ULK4: variants seen among roughly 807,000 people sequenced by gnomAD.
ULK4 encodes inactive serine/threonine-protein kinase ULK4.
ULK4 carries 133 observed loss-of-function variants against 160.6 expected under a neutral mutation model. That is an observed-to-expected ratio of 0.83 (90% CI 0.72 to 0.96). The LOEUF (loss-of-function observed/expected upper bound fraction) is 0.96. Ranked by LOEUF, ULK4 falls within the 40% of genes least tolerant of loss-of-function variation. The probability of loss-of-function intolerance (pLI) is 0.00; values close to 1 mark genes in which losing one functional copy is unlikely to be tolerated. For missense variants in ULK4, 1,580 were observed against 1,499.5 expected (o/e 1.05, Z -0.89); for synonymous variants, 534 against 539.8 (o/e 0.99, Z 0.15).
At chr3:41,699,255 A>G (rs1364629308) in intron 27 of ULK4, among the ~76,000 whole-genome samples, 1 of 152,194 alleles carries the variant, frequency 6.6e-6, no homozygotes, top group African/African-American at 2.4e-5. Context: ...CCCCACCAAC[A>G]CTAAGTATTA....
intron 11 of ULK4, among the ~76,000 whole-genome samples, chr3:41,908,356 C>G (rs1279378606): frequency 6.6e-6 from 1 of 152,130 alleles, no homozygotes; most frequent in Admixed American, 6.5e-5. Context: ...CAATCCATAC[C>G]TATTTGTAAT....
At chr3:41,520,227 C>G (rs1383523846) in intron 32 of ULK4, among the ~76,000 whole-genome samples, 1 of 152,140 alleles carries the variant, frequency 6.6e-6, no homozygotes, top group Non-Finnish European at 1.5e-5. Flanking sequence ...TCCCTCCCCC[C>G]AGCCCCTGGT....
intron 17 of ULK4, among the ~76,000 whole-genome samples, chr3:41,850,261 G>A (rs1232358431): frequency 6.6e-6 from 1 of 152,150 alleles, no homozygotes; most frequent in Non-Finnish European, 1.5e-5. Context: ...GAATAGTGCT[G>A]CAATAAACAT....
At chr3:41,521,269 G>A (rs1008657592) in intron 32 of ULK4, among the ~76,000 whole-genome samples, 4 of 151,994 alleles carry the variant, frequency 2.6e-5, no homozygotes, top group Non-Finnish European at 4.4e-5. Context: ...GTAGGTTCCC[G>A]GTCCTTCTGA....
At chr3:41,607,929 CATGAAAAATA>C (rs2032463925) in intron 31 of ULK4, among the ~76,000 whole-genome samples, 1 of 152,104 alleles carries the variant, frequency 6.6e-6, no homozygotes, top group African/African-American at 2.4e-5. Context: ...ACAACACATG[CATGAAAAATA>C]ATGAGGAGAA....
chr3:41,449,497 T>C (rs999721059), intron 34 of ULK4, among the ~76,000 whole-genome samples: 7 of 152,080 alleles, frequency 4.6e-5, no homozygotes, highest in African/African-American at 1.2e-4. Flanking sequence ...CTGCTTAGTA[T>C]AGAACTAATA....
intron 34 of ULK4, among the ~76,000 whole-genome samples, chr3:41,409,291 A>T (rs1260833305): frequency 6.6e-6 from 1 of 152,284 alleles, no homozygotes; most frequent in South Asian, 2.1e-4. Context: ...AACTTATAGA[A>T]AACACAGGAG....
intron 31 of ULK4, among the ~76,000 whole-genome samples, chr3:41,573,354 A>G (rs2088069767): frequency 6.6e-6 from 1 of 152,238 alleles, no homozygotes; most frequent in Non-Finnish European, 1.5e-5. Flanking sequence ...CAGCCTTTCC[A>G]AAGCAGTTTC....
rs1216710554 is a variant in ULK4, at chr3:41,867,876, T to C, written c.1656+15998A>G. On this transcript the variant is annotated intron_variant, in intron 17 of 36. Coordinates refer to ENST00000301831, the MANE Select transcript of ULK4 (RefSeq NM_017886.4). ...TTTCTAAAAATTTGTGAGATTTTAT[T>C]GACCCATGAGTTACAAGCATTTTTC... Among the ~76,000 whole-genome samples the C allele has an allele frequency of 2.6e-5, 4 of 152,378 alleles. No homozygotes were observed. The East Asian group carries it at 7.7e-4, about 29-fold the overall frequency.
intron 32 of ULK4, among the ~76,000 whole-genome samples, chr3:41,510,448 C>G (rs1022215628): frequency 6.6e-6 from 1 of 152,120 alleles, no homozygotes; most frequent in Non-Finnish European, 1.5e-5. Flanking sequence ...AACAAAGAAA[C>G]AATGGACTTA....
At chr3:41,375,230 T>C (rs2081459181) in intron 35 of ULK4, among the ~76,000 whole-genome samples, 1 of 152,156 alleles carries the variant, frequency 6.6e-6, no homozygotes, top group South Asian at 2.1e-4. Context: ...ACAGATTCAA[T>C]GCGATTCCCA....
intron 1 of ULK4, among the ~76,000 whole-genome samples, chr3:41,960,680 A>G (rs1006568384): frequency 1.4e-4 from 22 of 152,164 alleles, no homozygotes; most frequent in African/African-American, 4.8e-4. Context: ...TTATCTTTCA[A>G]TAACTTATTA....
At chr3:41,514,586 G>A (rs187346646) in intron 32 of ULK4, among the ~76,000 whole-genome samples, 9 of 152,210 alleles carry the variant, frequency 5.9e-5, no homozygotes, top group Middle Eastern at 3.4e-3. Flanking sequence ...TAAATATAAC[G>A]AAATAATAGC....
intron 27 of ULK4, among the ~76,000 whole-genome samples, chr3:41,696,108 C>G (rs2036489210): frequency 6.6e-6 from 1 of 152,164 alleles, no homozygotes; most frequent in African/African-American, 2.4e-5. Flanking sequence ...GAAAGGCAAT[C>G]TCCCTTTCCC....
intron 33 of ULK4, among the ~76,000 whole-genome samples, chr3:41,462,514 T>C (rs1374723562): frequency 6.6e-6 from 1 of 152,238 alleles, no homozygotes; most frequent in East Asian, 1.9e-4. Flanking sequence ...TAATGCTAAG[T>C]AAATACAGGT....
chr3:41,918,319 C>T, intron 7 of ULK4, 138 bp downstream of exon 7: 1 of 520,814 alleles, frequency 1.9e-6, no homozygotes, highest in Non-Finnish European at 3.3e-6. Flanking sequence ...ACTAACATTT[C>T]TAAAAATATC....
rs1700429303 is a variant in ULK4 at position 41,954,817 on chromosome 3, A to AG, written c.-48-11_-48-10insC. On this transcript the variant is annotated splice_polypyrimidine_tract_variant and intron_variant, in intron 1 of 36. Coordinates refer to ENST00000301831, the MANE Select transcript of ULK4 (RefSeq NM_017886.4). ...ACAGCATCTCTAGCTCCTAAGAAGT[A>AG]AACAAAAATGACATTGATAAATGCA... The AG allele has an allele frequency of 6.6e-7, 1 of 1,508,340 alleles. No homozygotes were observed. The highest frequency in any genetic ancestry group is 2.2e-5 in the Admixed American group (1 of 46,218). The allele number at this position is 1,508,340 out of a possible 1,614,324, so 93.4% of individuals were successfully genotyped here.
At chr3:41,760,556 T>C (rs527704391) in intron 21 of ULK4, among the ~76,000 whole-genome samples, 1 of 152,312 alleles carries the variant, frequency 6.6e-6, no homozygotes, top group African/African-American at 2.4e-5. Flanking sequence ...CCAAAACTTT[T>C]TGAGCACTGA....
chr3:41,945,856 C>G (rs1168525000), intron 2 of ULK4, among the ~76,000 whole-genome samples: 1 of 152,154 alleles, frequency 6.6e-6, no homozygotes, highest in Non-Finnish European at 1.5e-5. Context: ...GGCCAAAACC[C>G]TAGGATAATC....
Sources: allele counts gnomAD v4.1 joint callset (sites outside exome capture counted in the v4.1 genomes callset), GRCh38; gene constraint gnomAD v4.1.1; transcripts MANE v1.5; gene names NCBI Gene and HGNC (gene_info 2026-07-23, HGNC 2026-07-21).